Variants in HENMT1 observed in about 807,000 individuals in gnomAD.
The protein encoded by HENMT1 is HEN methyltransferase 1, also known as small RNA 2'-O-methyltransferase.
HENMT1 carries 27 observed loss-of-function variants against 31.1 expected under a neutral mutation model. The observed-to-expected ratio is 0.87, with a 90% CI of 0.64 to 1.20. The LOEUF is 1.20. Among genes scored for constraint, HENMT1 ranks in the 50% most tolerant of loss-of-function variants. HENMT1 has a pLI of 0.00. For synonymous variants in HENMT1, 167 were observed against 172.2 expected (o/e 0.97, Z 0.24); for missense variants, 438 against 469.6 (o/e 0.93, Z 0.62).
At chr1:108,660,511 C>T (rs188284464) in intron 1 of HENMT1, among the ~76,000 whole-genome samples, 152 of 152,280 alleles carry the variant, frequency 1.0e-3, no homozygotes, top group Admixed American at 3.2e-3. Flanking sequence ...AGAGATGCTC[C>T]AACATCTATT....
At chr1:108,650,164 C>T in intron 7 of HENMT1, 47 bp downstream of exon 7, 1 of 1,569,926 alleles carries the variant, frequency 6.4e-7, no homozygotes, top group Non-Finnish European at 8.8e-7. Flanking sequence ...AGTTCACCAT[C>T]CTAATGTATC....
intron 5 of HENMT1, 126 bp downstream of exon 5, chr1:108,654,590 T>C (rs1019186698): frequency 3.4e-6 from 3 of 895,044 alleles, no homozygotes; most frequent in East Asian, 2.6e-5. Context: ...TAAAAAGATA[T>C]TCCCAACCAA....
At chr1:108,661,135 A>G (rs972696931), upstream of HENMT1, 48 of 388,954 alleles carry the variant, frequency 1.2e-4, no homozygotes, top group Non-Finnish European at 1.6e-4. Flanking sequence ...CGCCGCGGCT[A>G]CGCCGGCGCC....
Position 108,648,835 on chromosome 1 carries a change from C to A in HENMT1, c.913G>T (p.Gly305Cys). Reference sequence around the variant, plus strand: ...CATGGGACAGGGGCCTTTGAGCCACCAATGTCTTTGGGCTTATCACCCCGT... The same window carrying A: ...CATGGGACAGGGGCCTTTGAGCCACAAATGTCTTTGGGCTTATCACCCCGT... ...GERGDKPKDI[G>C]GSKAPVPCFG... Residue 305 changes from glycine to cysteine, a missense_variant, in exon 8 of 8, where the codon GGT becomes TGT. Transcript: ENST00000651461. 1 of 1,614,202 alleles carries A rather than the reference C, an allele frequency of 6.2e-7. No homozygotes were observed.
Position 108,658,046 on chromosome 1 carries a change from T to TACACAC in HENMT1, c.22-473_22-468dup, listed in dbSNP as rs58348990. Among the ~76,000 whole-genome samples the TACACAC allele has an allele frequency of 3.6e-5, 5 of 140,452 alleles. No homozygotes were observed. The East Asian group carries it at 1.0e-3, about 29-fold the overall frequency. The allele number at this position is 140,452 out of a possible 152,430, so 92.1% of individuals were successfully genotyped here. On this transcript the variant is annotated intron_variant, in intron 2 of 7. Transcript: ENST00000651461. ...ACACTTACACACACACACATATATA[T>TACACAC]ACACACACACACACATATATATGTA...
chr1:108,654,670 G>A (rs1432292225), intron 5 of HENMT1, 46 bp downstream of exon 5: 3 of 1,583,166 alleles, frequency 1.9e-6, no homozygotes, highest in Non-Finnish European at 2.6e-6. Flanking sequence ...GACTTATTCA[G>A]GCTTTTCAAA....
intron 2 of HENMT1, 117 bp from the exon 3 acceptor site, chr1:108,657,696 CCT>C (rs1557741755): frequency 1.3e-5 from 11 of 870,370 alleles, no homozygotes; most frequent in Non-Finnish European, 1.9e-5. Flanking sequence ...AACACACTGG[CCT>C]TCACATACCC....
Position 108,654,788 on chromosome 1 carries a change from G to A in HENMT1, c.326C>T (p.Thr109Ile). The A allele has an allele frequency of 1.2e-6, 2 of 1,614,026 alleles. No homozygotes were observed. Among genetic ancestry groups the A allele is most frequent in the Non-Finnish European group, 1.7e-6 (2 of 1,179,900 alleles). ...LKPRDLNLTITLYHGSVVERD... is the reference protein window; with the variant it reads ...LKPRDLNLTIILYHGSVVERD... ...CTCCACAACGGAGCCATGATACAAT[G>A]TGATGGTCAAATTCAGATCCCGAGG... Residue 109 changes from threonine to isoleucine, a missense_variant, in exon 5 of 8, where the codon ACA becomes ATA. Coordinates refer to ENST00000651461, the MANE Select transcript of HENMT1 (RefSeq NM_001102592.2).
chr1:108,652,140 A>G (rs1029853536), intron 5 of HENMT1, among the ~76,000 whole-genome samples: 1 of 152,258 alleles, frequency 6.6e-6, no homozygotes, highest in Non-Finnish European at 1.5e-5. Context: ...GCATTGTGTG[A>G]TCTTGGGCCA....
At chr1:108,658,257 C>T (rs1051510325) in intron 2 of HENMT1, among the ~76,000 whole-genome samples, 2 of 151,980 alleles carry the variant, frequency 1.3e-5, no homozygotes, top group Non-Finnish European at 2.9e-5. Flanking sequence ...CTCAGCCTCC[C>T]GAGTAGCTGG....
chr1:108,653,460 T>G (rs1658119605), intron 5 of HENMT1, among the ~76,000 whole-genome samples: 1 of 152,256 alleles, frequency 6.6e-6, no homozygotes, highest in African/African-American at 2.4e-5. Context: ...AAATACCCAG[T>G]AGTGGGATTG....
At chr1:108,658,864 T>G (rs931602711) in intron 2 of HENMT1, among the ~76,000 whole-genome samples, 1 of 152,244 alleles carries the variant, frequency 6.6e-6, no homozygotes, top group African/African-American at 2.4e-5. Context: ...GTAATAGCTG[T>G]TACTATTCCT....
At position 108,654,735 on chromosome 1, in the gene HENMT1, A is replaced by C. The variant is rs1416206419; in HGVS notation, c.379T>G (p.Leu127Val). 2.5e-6 allele frequency: 4 copies of C among 1,614,018 alleles called. No homozygotes were observed. Among genetic ancestry groups the C allele is most frequent in the African/African-American group, 2.7e-5 (2 of 74,936 alleles). Residue 127 changes from leucine to valine, a missense_variant, in exon 5 of 8, where the codon TTG becomes GTG. By Grantham distance (32) the Leu-to-Val change is conservative (BLOSUM62 1). Coordinates refer to ENST00000651461, the MANE Select transcript of HENMT1 (RefSeq NM_001102592.2). The part of the protein sequence containing the change: ...ERDSRLLGFD[L>V]ITCIELIEHL... ...ACTTACAATTCAATACACGTTATCA[A>C]GTCAAATCCAAGCAAACGAGAGTCT...
rs541266728 is a variant in HENMT1, at chr1:108,657,704, T to C, written c.22-125A>G. On this transcript the variant is annotated intron_variant, in intron 2 of 7. Coordinates refer to ENST00000651461, the MANE Select transcript of HENMT1 (RefSeq NM_001102592.2). ...TTTGAAAAACACACTGGCCTTCACA[T>C]ACCCTTTGTCCTAAAATCATTAGGT... The C allele has an allele frequency of 8.5e-5, 70 of 820,028 alleles. No individual in the cohort carries two copies. In the African/African-American group the frequency reaches 1.1e-3, roughly 13 times the overall value. The allele number at this position is 820,028 out of a possible 1,614,324, so 50.8% of individuals were successfully genotyped here.
intron 1 of HENMT1, 96 bp downstream of exon 1, chr1:108,660,867 T>C (rs1345640964): frequency 2.1e-6 from 1 of 487,478 alleles, no homozygotes; most frequent in East Asian, 1.6e-4. Flanking sequence ...GAGCTTGCAG[T>C]GAGCCGAGAT....
At position 108,650,067 on chromosome 1, in the gene HENMT1, T is replaced by A. The variant is rs762942061; in HGVS notation, c.756+144A>T. 386 of 771,336 alleles carry A rather than the reference T, an allele frequency of 5.0e-4. 1 individual carries two copies. The highest frequency in any genetic ancestry group is 9.8e-5 in the Non-Finnish European group (43 of 438,300). 47.8% of individuals were successfully genotyped at this position (771,336 alleles called of 1,614,324 possible). A position where few individuals can be genotyped will look rare whatever the true frequency, so the allele number is the denominator to read the frequency against. ...CGTAGGCTAACTCGGACAGTAGTCA[T>A]GGGGCCTGAAGAATTCTCCTAGAGT... On this transcript the variant is annotated intron_variant, in intron 7 of 7. Coordinates refer to ENST00000651461, the MANE Select transcript of HENMT1 (RefSeq NM_001102592.2).
rs765516791 is a variant in HENMT1, at chr1:108,654,878, C to T, written c.264-28G>A. On this transcript the variant is annotated intron_variant, in intron 4 of 7. Coordinates refer to ENST00000651461, the MANE Select transcript of HENMT1 (RefSeq NM_001102592.2). ...GCAAAATAATTATTGAAGAAACTTTCTGAACATTATCTATTTAAAAATTCT... is the reference window on the plus strand; with the variant it reads ...GCAAAATAATTATTGAAGAAACTTTTTGAACATTATCTATTTAAAAATTCT... The T allele has an allele frequency of 6.2e-6, 10 of 1,611,824 alleles. No individual in the cohort carries two copies. In the Admixed American group the frequency reaches 1.5e-4, roughly 24 times the overall value.
intron 7 of HENMT1, 25 bp from the exon 8 acceptor site, chr1:108,649,016 A>G: frequency 6.6e-7 from 1 of 1,525,360 alleles, no homozygotes; most frequent in Non-Finnish European, 8.8e-7. Flanking sequence ...CAAAACACTT[A>G]CAAGTGTATA....
In HENMT1 at chr1:108,650,355, A is replaced by G. The variant is rs1240739845; in HGVS notation, c.612T>C (p.Ser204=). 1 of 1,614,046 alleles carries G rather than the reference A, an allele frequency of 6.2e-7. No individual in the cohort carries two copies. Among genetic ancestry groups the G allele is most frequent in the Admixed American group, 1.7e-5 (1 of 59,982 alleles). ...GTTCCCCGACACCAGTAAACTCCACAGAGTAATCATAGCGATTTGCCACAT... is the reference window on the plus strand; with the variant it reads ...GTTCCCCGACACCAGTAAACTCCACGGAGTAATCATAGCGATTTGCCACAT... ...ALYVANRYDY[S]VEFTGVGEPP... is the part of the protein sequence containing the mutation. The change falls in exon 7 of 8, where the codon TCT becomes TCC. Residue 204 remains serine, a synonymous_variant. Transcript: ENST00000651461.
Sources: allele counts gnomAD v4.1 joint callset (sites outside exome capture counted in the v4.1 genomes callset), GRCh38; gene constraint gnomAD v4.1.1; transcripts MANE v1.5; gene names NCBI Gene and HGNC (gene_info 2026-07-23, HGNC 2026-07-21).